Variants in RBFOX1 observed in about 807,000 individuals in gnomAD.
The protein encoded by RBFOX1 is RNA binding protein fox-1 homolog 1.
In RBFOX1, 8 loss-of-function variants were observed where a neutral mutation model predicts 57.7. That is an observed-to-expected ratio of 0.14 (90% confidence interval 0.08 to 0.25). The LOEUF (loss-of-function observed/expected upper bound fraction) is 0.25, where lower values mean the gene tolerates loss of function less well. Ranked by LOEUF, RBFOX1 falls within the 10% of genes least tolerant of loss-of-function variation. The probability of loss-of-function intolerance (pLI) is 1.00; values close to 1 mark genes in which losing one functional copy is unlikely to be tolerated. For synonymous variants in RBFOX1, 326 were observed against 222.4 expected (o/e 1.47, Z -4.15); for missense variants, 611 against 548.5 (o/e 1.11, Z -1.14).
chr16:7,022,451 C>G (rs1010246596), intron 3 of RBFOX1, among the ~76,000 whole-genome samples: 2 of 152,076 alleles, frequency 1.3e-5, no homozygotes, highest in Non-Finnish European at 2.9e-5. Flanking sequence ...TTCCCTCTGT[C>G]TCTCTGAGTT....
rs558465063 is a variant in RBFOX1 at position 7,121,428 on chromosome 16, A to G, written c.27+69330A>G. Among the ~76,000 whole-genome samples, 96 of 152,222 alleles carry G rather than the reference A, an allele frequency of 6.3e-4. No homozygotes were observed. The South Asian group carries it at 0.019, about 31-fold the overall frequency. On this transcript the variant is annotated intron_variant, in intron 4 of 15. Coordinates refer to ENST00000550418, the MANE Select transcript of RBFOX1 (RefSeq NM_018723.4). ...TCAATCATATATCTATATACTAGGA[A>G]AGAACATTTGGAAGTCAAAACTTAA...
intron 1 of RBFOX1, among the ~76,000 whole-genome samples, chr16:6,249,754 C>T (rs973786166): frequency 2.1e-5 from 3 of 146,234 alleles, no homozygotes; most frequent in Non-Finnish European, 4.5e-5. Context: ...GTGTCCTGAT[C>T]AGCTTCACAT....
intron 3 of RBFOX1, among the ~76,000 whole-genome samples, chr16:6,717,004 C>G (rs996088466): frequency 2.0e-5 from 3 of 152,164 alleles, no homozygotes; most frequent in Admixed American, 2.0e-4. Flanking sequence ...GACAGAAGAG[C>G]TTGCTTTCTC....
chr16:7,516,371 A>T (rs538797079), intron 4 of RBFOX1, among the ~76,000 whole-genome samples: 45 of 152,144 alleles, frequency 3.0e-4, no homozygotes, highest in Non-Finnish European at 5.6e-4. Context: ...CTGATGTCCT[A>T]TGGCTCATCT....
intron 3 of RBFOX1, among the ~76,000 whole-genome samples, chr16:5,768,644 C>T (rs1305792057): frequency 1.3e-5 from 2 of 152,178 alleles, no homozygotes; most frequent in African/African-American, 4.8e-5. Flanking sequence ...CTCTTCTGTG[C>T]ATTCCTCTTG....
At chr16:5,324,456 C>G (rs534112452) in intron 1 of RBFOX1, among the ~76,000 whole-genome samples, 2 of 152,144 alleles carry the variant, frequency 1.3e-5, no homozygotes, top group Non-Finnish European at 1.5e-5. Context: ...GAGTGAAACT[C>G]TGTCTCAAAA....
chr16:7,122,975 C>T (rs1328970587), intron 4 of RBFOX1, among the ~76,000 whole-genome samples: 1 of 152,014 alleles, frequency 6.6e-6, no homozygotes, highest in Non-Finnish European at 1.5e-5. Flanking sequence ...TAAATCCATT[C>T]CTATGACATC....
intron 3 of RBFOX1, among the ~76,000 whole-genome samples, chr16:6,878,999 C>G (rs186472732): frequency 4.6e-5 from 7 of 152,088 alleles, no homozygotes; most frequent in African/African-American, 1.7e-4. Context: ...CATGCAAATG[C>G]TAATAAGCAA....
At chr16:7,348,863 A>T (rs2145812406) in intron 4 of RBFOX1, among the ~76,000 whole-genome samples, 1 of 152,124 alleles carries the variant, frequency 6.6e-6, no homozygotes, top group Middle Eastern at 3.4e-3. Context: ...AATCCCTTGA[A>T]CCCAGGAGGC....
At chr16:5,519,832 C>G (rs2043942318) in intron 2 of RBFOX1, among the ~76,000 whole-genome samples, 1 of 152,180 alleles carries the variant, frequency 6.6e-6, no homozygotes, top group South Asian at 2.1e-4. Flanking sequence ...TAAAACTTAT[C>G]TAGAGGCTCA....
chr16:5,457,165 C>T (rs1438465471), intron 1 of RBFOX1, among the ~76,000 whole-genome samples: 1 of 152,096 alleles, frequency 6.6e-6, no homozygotes, highest in East Asian at 1.9e-4. Context: ...GAGACAGAGT[C>T]TTGTTCTGCC....
chr16:7,543,864 G>A (rs1035629824), intron 5 of RBFOX1, among the ~76,000 whole-genome samples: 3 of 149,586 alleles, frequency 2.0e-5, no homozygotes, highest in African/African-American at 2.5e-5. Context: ...GGGATTATAG[G>A]CACGCACCAC....
At chr16:7,061,722 A>G (rs777799234) in intron 4 of RBFOX1, among the ~76,000 whole-genome samples, 9 of 152,204 alleles carry the variant, frequency 5.9e-5, no homozygotes, top group Non-Finnish European at 1.3e-4. Context: ...TGTATCAAAC[A>G]GCTCCAAGCA....
At chr16:5,289,757 T>G (rs1285121695) in intron 1 of RBFOX1, among the ~76,000 whole-genome samples, 1 of 152,196 alleles carries the variant, frequency 6.6e-6, no homozygotes, top group Admixed American at 6.5e-5. Context: ...AGAGAATGTA[T>G]AAATGGAGAG....
intron 1 of RBFOX1, among the ~76,000 whole-genome samples, chr16:5,343,851 A>G (rs1312777276): frequency 6.6e-6 from 1 of 152,206 alleles, no homozygotes; most frequent in East Asian, 1.9e-4. Flanking sequence ...ATGTATTACT[A>G]AATAGTTCAC....
intron 3 of RBFOX1, among the ~76,000 whole-genome samples, chr16:5,772,841 G>C (rs995598852): frequency 6.6e-6 from 1 of 152,140 alleles, no homozygotes; most frequent in African/African-American, 2.4e-5. Context: ...AGGGCAAAGG[G>C]CTGTCAGTTA....
At chr16:7,030,594 C>A (rs929929168) in intron 3 of RBFOX1, among the ~76,000 whole-genome samples, 1 of 152,144 alleles carries the variant, frequency 6.6e-6, no homozygotes, top group African/African-American at 2.4e-5. Context: ...GTGTTCTTTG[C>A]TATTTCGTAT....
At chr16:6,006,889 T>C (rs2152334212) in intron 4 of RBFOX1, among the ~76,000 whole-genome samples, 2 of 152,338 alleles carry the variant, frequency 1.3e-5, no homozygotes, top group Middle Eastern at 6.8e-3. Flanking sequence ...ACACAAGCTC[T>C]TTTGTCACAT....
chr16:5,998,559 C>T (rs540187419), intron 4 of RBFOX1, among the ~76,000 whole-genome samples: 86 of 152,206 alleles, frequency 5.7e-4, no homozygotes, highest in African/African-American at 1.9e-3. Flanking sequence ...TGTGGATGCC[C>T]AGCATATAAA....
Sources: gnomAD v4.1 joint callset for allele counts (sites outside exome capture counted in the v4.1 genomes callset) on GRCh38, gnomAD v4.1.1 for gene constraint, MANE v1.5 for transcripts, NCBI Gene and HGNC (gene_info 2026-07-23, HGNC 2026-07-21) for gene names.